The following INPP5B variants were observed in gnomAD, a reference collection of about 807,000 sequenced individuals.
INPP5B encodes the protein inositol polyphosphate-5-phosphatase B.
INPP5B carries 90 observed loss-of-function variants against 118.5 expected under a neutral mutation model. That is an observed-to-expected ratio of 0.76 (90% CI 0.64 to 0.90). INPP5B has a LOEUF of 0.90. INPP5B is among the 40% of genes least tolerant of loss of function. INPP5B has a pLI of 0.00. For missense variants in INPP5B, 984 were observed against 1,125.6 expected (o/e 0.87, Z 1.80); for synonymous variants, 385 against 418.9 (o/e 0.92, Z 0.99).
intron 1 of INPP5B, 74 bp from the exon 2 acceptor site, chr1:37,946,408 G>C (rs1453115756): frequency 2.9e-6 from 3 of 1,048,302 alleles, no homozygotes; most frequent in Non-Finnish European, 4.2e-6. Flanking sequence ...CCTCAGAGGG[G>C]TTGGGGGCAG....
intron 7 of INPP5B, among the ~76,000 whole-genome samples, chr1:37,899,792 G>A (rs576020918): frequency 1.3e-5 from 2 of 150,536 alleles, no homozygotes; most frequent in African/African-American, 4.9e-5. Context: ...TCGGCTCACT[G>A]AAGCTTCGCC....
intron 20 of INPP5B, among the ~76,000 whole-genome samples, chr1:37,867,128 AG>A (rs1375258568): frequency 6.6e-6 from 1 of 152,156 alleles, no homozygotes; most frequent in African/African-American, 2.4e-5. Context: ...GCTACTCAGG[AG>A]GCTGAGGCAG....
chr1:37,926,283 C>G (rs981303231), intron 7 of INPP5B, among the ~76,000 whole-genome samples: 1 of 146,246 alleles, frequency 6.8e-6, no homozygotes, highest in African/African-American at 2.5e-5. Flanking sequence ...TGAGTTACTA[C>G]AAAGCTGGTT....
chr1:37,909,764 T>C (rs1431445370), intron 7 of INPP5B, among the ~76,000 whole-genome samples: 6 of 152,158 alleles, frequency 3.9e-5, no homozygotes, highest in Non-Finnish European at 7.4e-5. Context: ...AGTACTTAAT[T>C]GACCTCACCT....
chr1:37,929,170 AG>A (rs1358753064), intron 7 of INPP5B: 1 of 151,776 alleles, frequency 6.6e-6, no homozygotes, highest in East Asian at 1.9e-4. Context: ...CCCAGGCTGG[AG>A]TGCAGTGGCA....
At position 37,862,119 on chromosome 1, in the gene INPP5B, T is replaced by C; in HGVS notation, c.*196A>G. The C allele has an allele frequency of 2.0e-6, 1 of 492,996 alleles. No individual in the cohort carries two copies. The allele number at this position is 492,996 out of a possible 1,614,324, so 30.5% of individuals were successfully genotyped here. Reference sequence around the variant, plus strand: ...GAATGTCAGTTTTATTATGGTGGATTTTCTCCCGTGTCTTCACGACTCACA... The same window carrying C: ...GAATGTCAGTTTTATTATGGTGGATCTTCTCCCGTGTCTTCACGACTCACA... On this transcript the variant is annotated 3_prime_UTR_variant, in exon 24 of 24. Transcript: ENST00000373024.
chr1:37,934,812 C>G (rs1221728060), intron 6 of INPP5B, among the ~76,000 whole-genome samples: 1 of 152,116 alleles, frequency 6.6e-6, no homozygotes, highest in Non-Finnish European at 1.5e-5. Context: ...TGACTCCTGT[C>G]TTTCATTCTC....
At chr1:37,932,203 A>C (rs1645510556) in intron 6 of INPP5B, 150 bp from the exon 7 acceptor site, 1 of 852,200 alleles carries the variant, frequency 1.2e-6, no homozygotes, top group African/African-American at 1.7e-5. Flanking sequence ...AATAATTGTG[A>C]ACACAAAAGT....
chr1:37,881,148 T>C (rs1643174711), intron 14 of INPP5B, among the ~76,000 whole-genome samples: 1 of 152,242 alleles, frequency 6.6e-6, no homozygotes, highest in African/African-American at 2.4e-5. Context: ...ATCAAACACT[T>C]CATCTGTGTA....
chr1:37,862,469 A>C, intron 23 of INPP5B, 39 bp from the exon 24 acceptor site: 1 of 1,310,002 alleles, frequency 7.6e-7, no homozygotes, highest in South Asian at 1.2e-5. Flanking sequence ...ATTCAGCAAA[A>C]GAAGGTACTA....
chr1:37,904,817 C>T (rs1019757176), intron 7 of INPP5B, among the ~76,000 whole-genome samples: 15 of 151,146 alleles, frequency 9.9e-5, no homozygotes, highest in South Asian at 4.2e-4. Context: ...GCAGAGGTTG[C>T]GGTGAGCCAA....
Position 37,880,138 on chromosome 1 carries a change from G to C in INPP5B, c.1488C>G (p.Leu496=), listed in dbSNP as rs1431741688. The change falls in exon 15 of 24, where the codon CTC becomes CTG. Residue 496 remains leucine, a synonymous_variant. Transcript: ENST00000373024. The stretch of plus-strand genomic sequence containing the variant: ...CATACTTGTAAGTAGGCTGGAATGT[G>C]AGCTCACCCTCTGTGAAGCCTTCAA... ...TVFEGFTEGE[L]TFQPTYKYDT... is the part of the protein sequence containing the mutation. The C allele has an allele frequency of 5.6e-6, 9 of 1,612,086 alleles. No homozygotes were observed. The Admixed American group carries it at 1.3e-4, about 24-fold the overall frequency.
intron 7 of INPP5B, among the ~76,000 whole-genome samples, chr1:37,894,296 C>A (rs1046231747): frequency 6.6e-6 from 1 of 152,198 alleles, no homozygotes; most frequent in Non-Finnish European, 1.5e-5. Flanking sequence ...TCTAACCTCT[C>A]CTAGGCTGGT....
intron 7 of INPP5B, among the ~76,000 whole-genome samples, chr1:37,927,504 C>CTG (rs377153757): frequency 3.3e-4 from 50 of 152,064 alleles, no homozygotes; most frequent in African/African-American, 1.1e-3. Flanking sequence ...GGATTCCAGT[C>CTG]TGAAACTAGC....
intron 2 of INPP5B, 130 bp from the exon 3 acceptor site, chr1:37,945,980 T>A: frequency 1.2e-6 from 1 of 800,446 alleles, no homozygotes; most frequent in Non-Finnish European, 2.0e-6. Flanking sequence ...TCAAACCATG[T>A]GCTGAACTAA....
At chr1:37,873,296 G>T in intron 18 of INPP5B, 131 bp from the exon 19 acceptor site, 1 of 654,628 alleles carries the variant, frequency 1.5e-6, no homozygotes. Flanking sequence ...CAACCAACAA[G>T]CATCCAAATG....
chr1:37,868,504 C>CT lies in INPP5B; in HGVS notation c.2297dup (p.Gln767AlafsTer15). ...TGAATGCTTAAACACAACCTACCTG[C>CT]TGGACAGCATTTCGGTACAGGTAAT... On this transcript the variant is annotated frameshift_variant, in exon 20 of 24. Transcript: ENST00000373024. LOFTEE classifies it high-confidence loss of function. 6.2e-7 allele frequency: 1 copy of CT among 1,610,418 alleles called. No individual in the cohort carries two copies.
intron 22 of INPP5B, 40 bp from the exon 23 acceptor site, chr1:37,864,463 A>C: frequency 8.2e-7 from 1 of 1,222,008 alleles, no homozygotes. Context: ...TTGTTCACTG[A>C]ATCATTTCTC....
rs763538557 is a variant in INPP5B, at chr1:37,880,207, A to T, written c.1432-13T>A. 1.5e-5 allele frequency: 24 copies of T among 1,581,656 alleles called. No individual in the cohort carries two copies. The highest frequency in any genetic ancestry group is 2.0e-5 in the Non-Finnish European group (23 of 1,154,656). On this transcript the variant is annotated splice_polypyrimidine_tract_variant and intron_variant, in intron 14 of 23. Transcript: ENST00000373024. ...CCTGAATTTTCAGCTATACAAAAGGATGGGAGAAAAAAAAATATCAGAATA... is the reference window on the plus strand; with the variant it reads ...CCTGAATTTTCAGCTATACAAAAGGTTGGGAGAAAAAAAAATATCAGAATA...
Sources: allele counts gnomAD v4.1 joint callset (sites outside exome capture counted in the v4.1 genomes callset), GRCh38; gene constraint gnomAD v4.1.1; transcripts MANE v1.5; gene names NCBI Gene and HGNC (gene_info 2026-07-23, HGNC 2026-07-21).